The following MAP4K5 variants were observed in gnomAD, a reference collection of about 807,000 sequenced individuals.
MAP4K5 encodes the protein mitogen-activated protein kinase kinase kinase kinase 5.
MAP4K5 carries 82 observed loss-of-function variants against 135.6 expected under a neutral mutation model. The ratio of observed to expected loss-of-function variants is 0.60; its 90% CI spans 0.51 to 0.73. The LOEUF is 0.73. Ranked by LOEUF, MAP4K5 falls within the 30% of genes least tolerant of loss-of-function variation. MAP4K5 has a pLI of 0.00. For missense variants in MAP4K5, 907 were observed against 1,010.9 expected (o/e 0.90, Z 1.39); for synonymous variants, 347 against 335.0 (o/e 1.04, Z -0.39).
intron 21 of MAP4K5, among the ~76,000 whole-genome samples, chr14:50,441,616 T>C (rs2036227515): frequency 6.6e-6 from 1 of 151,900 alleles, no homozygotes; most frequent in South Asian, 2.1e-4. Context: ...GTCACAGCTA[T>C]TTGGGAGGCT....
chr14:50,456,748 G>C, intron 13 of MAP4K5, 154 bp from the exon 14 acceptor site: 2 of 577,344 alleles, frequency 3.5e-6, no homozygotes, highest in Non-Finnish European at 6.0e-6. Flanking sequence ...CAATACTTCG[G>C]AAGTTTTTTC....
chr14:50,526,957 T>C (rs2038278470), intron 2 of MAP4K5, among the ~76,000 whole-genome samples: 1 of 151,842 alleles, frequency 6.6e-6, no homozygotes, highest in Admixed American at 6.6e-5. Context: ...TCATTTATAA[T>C]TGCAAAAAAA....
intron 32 of MAP4K5, among the ~76,000 whole-genome samples, chr14:50,420,965 C>T (rs1000472267): frequency 6.6e-6 from 1 of 150,944 alleles, no homozygotes; most frequent in South Asian, 2.1e-4. Flanking sequence ...AATAATATAC[C>T]CATGCAGAGA....
At chr14:50,426,106 C>A (rs563259298) in intron 30 of MAP4K5, 129 bp from the exon 31 acceptor site, 10 of 484,808 alleles carry the variant, frequency 2.1e-5, no homozygotes, top group Admixed American at 3.3e-5. Context: ...GTCTAGACCA[C>A]GATTTCTCAA....
intron 1 of MAP4K5, among the ~76,000 whole-genome samples, chr14:50,551,673 T>C (rs1264921804): frequency 6.6e-6 from 1 of 152,144 alleles, no homozygotes; most frequent in African/African-American, 2.4e-5. Context: ...AAAGATAATA[T>C]ACATGATGAA....
intron 1 of MAP4K5, among the ~76,000 whole-genome samples, chr14:50,556,848 A>C (rs1345676488): frequency 1.3e-5 from 2 of 152,216 alleles, no homozygotes; most frequent in Admixed American, 1.3e-4. Flanking sequence ...TGATCAAATA[A>C]TGTTCTATTA....
chr14:50,531,805 A>G, intron 2 of MAP4K5, 137 bp downstream of exon 2: 1 of 719,718 alleles, frequency 1.4e-6, no homozygotes, highest in Non-Finnish European at 2.5e-6. Flanking sequence ...GAACCGAGTA[A>G]AAGGGACCCC....
intron 3 of MAP4K5, among the ~76,000 whole-genome samples, chr14:50,503,602 A>G (rs1429782795): frequency 6.6e-6 from 1 of 152,036 alleles, no homozygotes; most frequent in Non-Finnish European, 1.5e-5. Context: ...ATAATGAACT[A>G]TAATATTAGG....
At position 50,423,185 on chromosome 14, in the gene MAP4K5, G is replaced by GA; in HGVS notation, c.2398-10dup. On this transcript the variant is annotated splice_polypyrimidine_tract_variant and intron_variant, in intron 31 of 32. Coordinates refer to ENST00000682126, the MANE Select transcript of MAP4K5 (RefSeq NM_006575.6). ...GAAATCTCCTGGGTAACCTAGGAAA[G>GA]AAAAATACCTATCAGTAACATCTTA... is the stretch of plus-strand genomic sequence containing the variant. 2.1e-6 allele frequency: 3 copies of GA among 1,410,832 alleles called. No homozygotes were observed. Among genetic ancestry groups the GA allele is most frequent in the South Asian group, 1.2e-5 (1 of 82,154 alleles). 87.4% of individuals were successfully genotyped at this position (1,410,832 alleles called of 1,614,324 possible). A position where few individuals can be genotyped will look rare whatever the true frequency, so the allele number is the denominator to read the frequency against.
chr14:50,476,599 T>A (rs2356253), intron 6 of MAP4K5, among the ~76,000 whole-genome samples: 1 of 152,182 alleles, frequency 6.6e-6, no homozygotes, highest in Non-Finnish European at 1.5e-5. Context: ...TAGCCGGGAT[T>A]ACAGGCATGC....
At chr14:50,486,221 A>G (rs1184803199) in intron 3 of MAP4K5, 27 bp from the exon 4 acceptor site, 2 of 781,916 alleles carry the variant, frequency 2.6e-6, no homozygotes, top group Admixed American at 5.9e-5. Context: ...GTTGTTTATC[A>G]TGTTACTCAA....
intron 14 of MAP4K5, among the ~76,000 whole-genome samples, chr14:50,454,405 A>G (rs2036556072): frequency 6.6e-6 from 1 of 152,140 alleles, no homozygotes; most frequent in African/African-American, 2.4e-5. Flanking sequence ...TTTACCCTGG[A>G]GTATTCGTAA....
At chr14:50,502,702 C>G (rs569949875) in intron 3 of MAP4K5, among the ~76,000 whole-genome samples, 2 of 152,034 alleles carry the variant, frequency 1.3e-5, no homozygotes, top group Admixed American at 6.6e-5. Context: ...TTTTGGTAAT[C>G]AAAACCAGGA....
At chr14:50,518,568 G>C (rs1485247943) in intron 2 of MAP4K5, among the ~76,000 whole-genome samples, 1 of 152,154 alleles carries the variant, frequency 6.6e-6, no homozygotes, top group Non-Finnish European at 1.5e-5. Flanking sequence ...CTGGACAGGT[G>C]CTTCCTATCC....
intron 31 of MAP4K5, among the ~76,000 whole-genome samples, chr14:50,424,483 G>A (rs984700077): frequency 6.6e-6 from 1 of 152,138 alleles, no homozygotes; most frequent in African/African-American, 2.4e-5. Flanking sequence ...GCCAAGGCAG[G>A]TGGATCACGT....
chr14:50,431,868 AACAG>A (rs2035978391), intron 28 of MAP4K5, among the ~76,000 whole-genome samples: 1 of 152,246 alleles, frequency 6.6e-6, no homozygotes, highest in Admixed American at 6.5e-5. Context: ...CAGTCCCACC[AACAG>A]AGCAGTCCTT....
chr14:50,491,139 T>A (rs1363374401), intron 3 of MAP4K5, among the ~76,000 whole-genome samples: 1 of 151,936 alleles, frequency 6.6e-6, no homozygotes, highest in African/African-American at 2.4e-5. Flanking sequence ...CAGATTTTTT[T>A]TCAAAAAAAG....
chr14:50,502,201 G>A (rs951514807), intron 3 of MAP4K5, among the ~76,000 whole-genome samples: 9 of 152,062 alleles, frequency 5.9e-5, no homozygotes, highest in African/African-American at 1.9e-4. Context: ...TTTTTCACAC[G>A]TCTGCAATTC....
At chr14:50,512,067 T>A (rs577677007) in intron 2 of MAP4K5, among the ~76,000 whole-genome samples, 1 of 152,114 alleles carries the variant, frequency 6.6e-6, no homozygotes, top group African/African-American at 2.4e-5. Context: ...AATATATCAA[T>A]ATTGGTTCAA....
Sources: gnomAD v4.1 joint callset for allele counts (sites outside exome capture counted in the v4.1 genomes callset) on GRCh38, gnomAD v4.1.1 for gene constraint, MANE v1.5 for transcripts, NCBI Gene and HGNC (gene_info 2026-07-23, HGNC 2026-07-21) for gene names.